The following RPS15A variants were observed in gnomAD, a reference collection of about 807,000 sequenced individuals.
The protein encoded by RPS15A is small ribosomal subunit protein uS8.
For missense variants in RPS15A, 62 were observed against 163.4 expected (o/e 0.38, Z 3.38); for synonymous variants, 55 against 58.5 (o/e 0.94, Z 0.27).
In RPS15A at chr16:18,782,973, T is replaced by C. The variant is rs1238827000; in HGVS notation, c.*36A>G. 9.3e-6 allele frequency: 12 copies of C among 1,296,790 alleles called. No individual in the cohort carries two copies. The highest frequency in any genetic ancestry group is 1.4e-5 in the African/African-American group (1 of 69,006). The allele number at this position is 1,296,790 out of a possible 1,614,324, so 80.3% of individuals were successfully genotyped here. Reference sequence around the variant, plus strand: ...GACCAAGTGGAAGCACCAGAGTCCATGAGGCATTTTATTTGTAAATATATG... The same window carrying C: ...GACCAAGTGGAAGCACCAGAGTCCACGAGGCATTTTATTTGTAAATATATG... On this transcript the variant is annotated 3_prime_UTR_variant, in exon 5 of 5. Transcript: ENST00000322989.
intron 2 of RPS15A, 130 bp downstream of exon 2, chr16:18,788,851 G>GC: frequency 1.1e-6 from 1 of 949,516 alleles, no homozygotes; most frequent in Non-Finnish European, 1.6e-6. Flanking sequence ...CTCCTCCACA[G>GC]CCCACAGGTC....
chr16:18,784,481 G>T (rs1283736495), intron 4 of RPS15A: 8 of 377,586 alleles, frequency 2.1e-5, no homozygotes, highest in Admixed American at 4.7e-5. Context: ...CCCAACCTCA[G>T]GTGATCCGCC....
rs1386395750 is a variant in RPS15A, at chr16:18,781,615, G to C, written c.*1394C>G. 1 of 152,054 alleles carries C rather than the reference G, an allele frequency of 6.6e-6. No homozygotes were observed. Among genetic ancestry groups the C allele is most frequent in the Non-Finnish European group, 1.5e-5 (1 of 68,040 alleles). The allele number at this position is 152,054 out of a possible 1,614,324, so 9.4% of individuals were successfully genotyped here. ...CAGATACGGATGCTGAGGTTACTGA[G>C]TGGAAGAGGAAACCTGAATTCTGCT... On this transcript the variant is annotated 3_prime_UTR_variant, in exon 5 of 5. Coordinates refer to ENST00000322989, the MANE Select transcript of RPS15A (RefSeq NM_001019.5).
intron 3 of RPS15A, chr16:18,786,319 G>A (rs1349628108): frequency 2.2e-5 from 4 of 181,376 alleles, no homozygotes; most frequent in East Asian, 3.7e-4. Context: ...AGCCAAGATC[G>A]TGCCACTGCA....
intron 4 of RPS15A, chr16:18,783,371 G>C (rs145464382): frequency 2.2e-6 from 1 of 456,490 alleles, no homozygotes; most frequent in East Asian, 4.1e-5. Flanking sequence ...TGAAAACAAA[G>C]GCTGGGAACT....
At chr16:18,783,223 C>G (rs1298105144) in intron 4 of RPS15A, 121 bp from the exon 5 acceptor site, 1 of 639,840 alleles carries the variant, frequency 1.6e-6, no homozygotes, top group Middle Eastern at 2.5e-4. Context: ...CACATAGGAA[C>G]TGACAGTGCC....
intron 4 of RPS15A, chr16:18,783,380 C>A: frequency 2.3e-6 from 1 of 436,580 alleles, no homozygotes; most frequent in Non-Finnish European, 4.2e-6. Context: ...AGGCTGGGAA[C>A]TCCTTTAAAT....
At chr16:18,788,249 C>A in intron 2 of RPS15A, 107 bp from the exon 3 acceptor site, 1 of 725,998 alleles carries the variant, frequency 1.4e-6, no homozygotes, top group Non-Finnish European at 2.4e-6. Context: ...TCAGTGACTG[C>A]TTCTCCAAAA....
chr16:18,788,631 G>T, intron 2 of RPS15A: 1 of 204,300 alleles, frequency 4.9e-6, no homozygotes, highest in Non-Finnish European at 1.0e-5. Context: ...TGGGACTACA[G>T]GCGCCTGCCA....
chr16:18,784,973 C>G (rs1268550682), intron 3 of RPS15A, 150 bp from the exon 4 acceptor site: 1 of 581,256 alleles, frequency 1.7e-6, no homozygotes, highest in Non-Finnish European at 2.9e-6. Flanking sequence ...CAATGCTTGA[C>G]ATACTTTTCA....
intron 1 of RPS15A, chr16:18,789,960 C>A (rs1278185892): frequency 1.3e-5 from 2 of 152,342 alleles, no homozygotes; most frequent in Non-Finnish European, 2.9e-5. Flanking sequence ...GCTGCACGGC[C>A]CACCAGCCCC....
chr16:18,784,818 C>A lies in RPS15A; in HGVS notation c.219G>T (p.Gly73=), dbSNP rs1204649884. 1.2e-6 allele frequency: 2 copies of A among 1,602,692 alleles called. No individual in the cohort carries two copies. The highest frequency in any genetic ancestry group is 1.3e-5 in the African/African-American group (1 of 74,350). Residue 73 remains glycine, a synonymous_variant, in exon 4 of 5, where the codon GGG becomes GGT. Coordinates refer to ENST00000322989, the MANE Select transcript of RPS15A (RefSeq NM_001019.5). The stretch of plus-strand genomic sequence containing the variant: ...GCACGTCAAATCTGGGGCTGATCAC[C>A]CCACACTATAAAATAACAACAACAA... ...VNLTGRLNKC[G]VISPRFDVQL...
At chr16:18,789,578 T>C (rs1466948503) in intron 1 of RPS15A, among the ~76,000 whole-genome samples, 1 of 152,220 alleles carries the variant, frequency 6.6e-6, no homozygotes, top group Non-Finnish European at 1.5e-5. Flanking sequence ...ATTAACATTG[T>C]ACTTTAAATC....
intron 1 of RPS15A, among the ~76,000 whole-genome samples, 184 bp from the exon 2 acceptor site, chr16:18,789,302 A>G (rs1442645440): frequency 1.3e-5 from 2 of 152,214 alleles, no homozygotes; most frequent in Non-Finnish European, 2.9e-5. Context: ...ACGGTTGTTG[A>G]AAACAGGTTA....
intron 1 of RPS15A, chr16:18,790,020 G>A (rs1239068774): frequency 1.3e-5 from 2 of 152,366 alleles, no homozygotes; most frequent in African/African-American, 4.8e-5. Context: ...ACTAAAGGGA[G>A]ATCCAGACGC....
At chr16:18,786,243 T>C in intron 3 of RPS15A, 1 of 233,226 alleles carries the variant, frequency 4.3e-6, no homozygotes, top group South Asian at 3.9e-5. Context: ...CACTCACCTG[T>C]AATCTCAGCT....
At chr16:18,784,244 A>AC (rs938107911) in intron 4 of RPS15A, 2 of 151,210 alleles carry the variant, frequency 1.3e-5, no homozygotes, top group African/African-American at 4.9e-5. Flanking sequence ...ACAAAGTGAA[A>AC]CCCTGTCTCT....
At chr16:18,789,254 T>C in intron 1 of RPS15A, 136 bp from the exon 2 acceptor site, 2 of 793,588 alleles carry the variant, frequency 2.5e-6, no homozygotes, top group Non-Finnish European at 3.9e-6. Context: ...GCAGGCTGCT[T>C]CTCCATTTCC....
chr16:18,782,286 T>A lies in RPS15A; in HGVS notation c.*723A>T. On this transcript the variant is annotated 3_prime_UTR_variant, in exon 5 of 5. Coordinates refer to ENST00000322989, the MANE Select transcript of RPS15A (RefSeq NM_001019.5). ...ACTCCAGCCTGTGTGACAGAGCGAC[T>A]TTGTCTTAAAAAAAAAAAAAAAAAA... 1.1e-5 allele frequency: 1 copy of A among 94,186 alleles called. No homozygotes were observed. Among genetic ancestry groups the A allele is most frequent in the African/African-American group, 3.8e-5 (1 of 26,648 alleles). The allele number at this position is 94,186 out of a possible 1,614,324, so 5.8% of individuals were successfully genotyped here.
Sources: gnomAD v4.1 joint callset for allele counts (sites outside exome capture counted in the v4.1 genomes callset) on GRCh38, gnomAD v4.1.1 for gene constraint, MANE v1.5 for transcripts, NCBI Gene and HGNC (gene_info 2026-07-23, HGNC 2026-07-21) for gene names.